The following DHX30 variants were observed in gnomAD, a reference collection of about 807,000 sequenced individuals.
The protein encoded by DHX30 is DExH-box helicase 30.
A neutral mutation model predicts 116.9 loss-of-function variants in DHX30; 4 were observed. The observed-to-expected ratio is 0.03, with a 90% CI of 0.02 to 0.08. DHX30 has a LOEUF of 0.08. Ranked by LOEUF, DHX30 falls within the 10% of genes least tolerant of loss-of-function variation. DHX30 has a pLI of 1.00. For missense variants in DHX30, 871 were observed against 1,595.1 expected, an observed-to-expected ratio of 0.55 and a Z score of 7.73; for synonymous variants, 697 against 651.7, an observed-to-expected ratio of 1.07 and a Z score of -1.06.
In DHX30 at chr3:47,841,651, G is replaced by A; in HGVS notation, c.703G>A (p.Ala235Thr). 1 of 1,614,250 alleles carries A rather than the reference G, an allele frequency of 6.2e-7. No homozygotes were observed. Reference sequence around the variant, plus strand: ...CTTTGAGATGACAGATGACGACAGTGCCATTAGGGCTCTGACCCAGTTTCC... The same window carrying A: ...CTTTGAGATGACAGATGACGACAGTACCATTAGGGCTCTGACCCAGTTTCC... ...SSFEMTDDDS[A>T]IRALTQFPLP... Residue 235 changes from alanine to threonine, a missense_variant, in exon 8 of 22, where the codon GCC becomes ACC. Ala to Thr is a moderately conservative substitution (Grantham distance 58, BLOSUM62 0). This residue lies in a region of DHX30 where 175 missense variants were observed against 292.9 expected (regional missense o/e 0.60). Transcript: ENST00000445061.
intron 2 of DHX30, among the ~76,000 whole-genome samples, chr3:47,809,746 G>T (rs944589099): frequency 6.6e-6 from 1 of 151,990 alleles, no homozygotes; most frequent in Non-Finnish European, 1.5e-5. Flanking sequence ...AGAATGAGAG[G>T]GAACAGGAGT....
chr3:47,825,506 G>T (rs1342554479), intron 4 of DHX30, among the ~76,000 whole-genome samples: 1 of 152,216 alleles, frequency 6.6e-6, no homozygotes, highest in Non-Finnish European at 1.5e-5. Flanking sequence ...GGGAAAACGA[G>T]TAAAAGTCCA....
At chr3:47,849,158 G>A in intron 18 of DHX30, 34 bp from the exon 19 acceptor site, 1 of 1,613,528 alleles carries the variant, frequency 6.2e-7, no homozygotes, top group Non-Finnish European at 8.5e-7. Flanking sequence ...TGTGGCTAGG[G>A]GCTGTAGGTC....
In DHX30 at chr3:47,849,513, C is replaced by G; in HGVS notation, c.3150C>G (p.Thr1050=). 1 of 1,603,158 alleles carries G rather than the reference C, an allele frequency of 6.2e-7. No homozygotes were observed. The highest frequency in any genetic ancestry group is 8.5e-7 in the Non-Finnish European group (1 of 1,171,982). Residue 1050 remains threonine, a synonymous_variant, in exon 20 of 22, where the codon ACC becomes ACG. Transcript: ENST00000445061. ...KFKPNSVTYR[T]KSGNILLHKS... ...AGCCCAACAGCGTCACATATAGGAC[C>G]AAATCAGGCAACATCCTGCTGCACA...
In DHX30 at chr3:47,850,101, G is replaced by C. The variant is rs560785305; in HGVS notation, c.3566G>C (p.Arg1189Pro). Residue 1189 changes from arginine to proline, a missense_variant, in exon 22 of 22, where the codon CGC becomes CCC. Arg to Pro is a moderately radical substitution (Grantham distance 103). Around this residue, in one of 13 missense-constraint regions of DHX30, gnomAD observed 52 missense variants for 50.1 expected, o/e 1.04. Transcript: ENST00000445061. ...LRGPCGSFDV[R>P]KTADD ...GGACCCTGTGGCAGCTTTGATGTGC[G>C]CAAGACAGCTGACGACTGAGCCCTG... 5.0e-6 allele frequency: 8 copies of C among 1,592,784 alleles called. No individual in the cohort carries two copies. The Admixed American group carries it at 1.0e-4, about 21-fold the overall frequency.
intron 3 of DHX30, among the ~76,000 whole-genome samples, chr3:47,817,186 AAG>A (rs986416435): frequency 3.3e-5 from 5 of 152,154 alleles, no homozygotes; most frequent in African/African-American, 4.8e-5. Context: ...CAGAGGGGCA[AAG>A]AGAGCAAAGA....
chr3:47,847,252 G>A lies in DHX30; in HGVS notation c.1930-21G>A, dbSNP rs1440382605. 2 of 1,614,220 alleles carry A rather than the reference G, an allele frequency of 1.2e-6. No individual in the cohort carries two copies. The highest frequency in any genetic ancestry group is 1.7e-5 in the Admixed American group (1 of 60,028). On this transcript the variant is annotated intron_variant, in intron 11 of 21. Coordinates refer to ENST00000445061, the MANE Select transcript of DHX30 (RefSeq NM_138615.3). The surrounding 1 kb of genome is among the most constrained non-coding windows in gnomAD (Gnocchi z 5.5). Reference sequence around the variant, plus strand: ...CCCTTACCCCGGGGCTGTGACTGTGGCCTCTCTTCCCCCACCCCAGTCTGA... The same window carrying A: ...CCCTTACCCCGGGGCTGTGACTGTGACCTCTCTTCCCCCACCCCAGTCTGA...
Position 47,847,109 on chromosome 3 carries a change from C to A in DHX30, c.1929+108C>A. 3 of 1,495,028 alleles carry A rather than the reference C, an allele frequency of 2.0e-6. No individual in the cohort carries two copies. In the African/African-American group the frequency reaches 4.1e-5, roughly 21 times the overall value. 92.6% of individuals were successfully genotyped at this position (1,495,028 alleles called of 1,614,324 possible). On this transcript the variant is annotated intron_variant, in intron 11 of 21. Coordinates refer to ENST00000445061, the MANE Select transcript of DHX30 (RefSeq NM_138615.3). The surrounding 1 kb of genome is among the most constrained non-coding windows in gnomAD (Gnocchi z 5.5). ...CTGGGGCAAGTTACCCTCCCCAGTC[C>A]TCGGTTTCCTTGATAGAAACTGGGG...
intron 9 of DHX30, among the ~76,000 whole-genome samples, chr3:47,844,137 A>G (rs2037497435): frequency 6.6e-6 from 1 of 152,220 alleles, no homozygotes. Flanking sequence ...GCAGACCAAG[A>G]TAGAAATGGG....
rs778085839 is a variant in DHX30, at chr3:47,848,930, T to C, written c.2780T>C (p.Leu927Pro). The C allele has an allele frequency of 6.2e-7, 1 of 1,606,934 alleles. No individual in the cohort carries two copies. The highest frequency in any genetic ancestry group is 8.5e-7 in the Non-Finnish European group (1 of 1,175,226). Reference sequence around the variant, plus strand: ...CTTCTCCCCTCCCAGGTGAAAGCACTGTTGAGCCATGACAGCGGCAGTGAC... The same window carrying C: ...CTTCTCCCCTCCCAGGTGAAAGCACCGTTGAGCCATGACAGCGGCAGTGAC... Reference protein sequence around the residue: ...NRAEVDKVKALLSHDSGSDHL... With the variant: ...NRAEVDKVKAPLSHDSGSDHL... The change falls in exon 18 of 22, where the codon CTG becomes CCG. Residue 927 changes from leucine (L) to proline (P), a missense_variant. Transcript: ENST00000445061. The surrounding 1 kb of genome is among the most constrained non-coding windows in gnomAD (Gnocchi z 9.4).
intron 1 of DHX30, among the ~76,000 whole-genome samples, chr3:47,804,091 C>T (rs969035288): frequency 6.6e-6 from 1 of 152,106 alleles, no homozygotes; most frequent in Non-Finnish European, 1.5e-5. Context: ...GGTGGTAACC[C>T]CACTGTCATT....
Position 47,846,633 on chromosome 3 carries a change from T to C in DHX30, c.1561T>C (p.Leu521=), listed in dbSNP as rs1381431769. 1.9e-6 allele frequency: 3 copies of C among 1,613,830 alleles called. No homozygotes were observed. Among genetic ancestry groups the C allele is most frequent in the Non-Finnish European group, 2.5e-6 (3 of 1,179,950 alleles). ...CCGGAATGTGGGCTTCCAGGTGCGG[T>C]TGGAAAGTAAGCCCCCATCCCGAGG... ...LRRNVGFQVR[L]ESKPPSRGGA... Residue 521 remains leucine, a synonymous_variant, in exon 11 of 22, where the codon TTG becomes CTG. Coordinates refer to ENST00000445061, the MANE Select transcript of DHX30 (RefSeq NM_138615.3).
Position 47,847,251 on chromosome 3 carries a change from G to A in DHX30, c.1930-22G>A. On this transcript the variant is annotated intron_variant, in intron 11 of 21. Coordinates refer to ENST00000445061, the MANE Select transcript of DHX30 (RefSeq NM_138615.3). This position sits in a 1 kb window ranked among gnomAD's most constrained non-coding sequence, Gnocchi z 5.5. The stretch of plus-strand genomic sequence containing the variant: ...CCCCTTACCCCGGGGCTGTGACTGT[G>A]GCCTCTCTTCCCCCACCCCAGTCTG... The A allele has an allele frequency of 6.2e-7, 1 of 1,614,156 alleles. No individual in the cohort carries two copies. The highest frequency in any genetic ancestry group is 1.1e-5 in the South Asian group (1 of 91,090).
intron 6 of DHX30, among the ~76,000 whole-genome samples, chr3:47,831,924 C>CTTTTTTTTTTTTTTTTTT (rs1448275730): frequency 1.7e-5 from 2 of 120,380 alleles, no homozygotes; most frequent in Non-Finnish European, 3.4e-5. Context: ...AGGCCTTTTC[C>CTTTTTTTTTTTTTTTTTT]TTTTTCTTTT....
chr3:47,845,480 C>T (rs2037564877), intron 9 of DHX30: 3 of 457,682 alleles, frequency 6.6e-6, no homozygotes, highest in East Asian at 4.1e-5. Context: ...AGCCACCGCG[C>T]CCGGCCTGAA....
intron 4 of DHX30, chr3:47,824,913 G>T (rs758569903): frequency 1.4e-4 from 65 of 479,966 alleles, no homozygotes; most frequent in Non-Finnish European, 3.3e-5. Context: ...GGCTGCTGAT[G>T]CCCTCGCCTA....
At chr3:47,839,280 C>CTTTTTTTT in intron 6 of DHX30, among the ~76,000 whole-genome samples, 1 of 129,806 alleles carries the variant, frequency 7.7e-6, no homozygotes, top group Non-Finnish European at 1.6e-5. Context: ...CTTATATTCT[C>CTTTTTTTT]TTTTTTTTTT....
At chr3:47,840,098 G>A (rs550101178) in intron 6 of DHX30, among the ~76,000 whole-genome samples, 11 of 150,842 alleles carry the variant, frequency 7.3e-5, no homozygotes, top group African/African-American at 2.2e-4. Context: ...CCAGGTTCAC[G>A]CCATTCTCCT....
At chr3:47,818,436 C>G (rs554275929) in intron 4 of DHX30, among the ~76,000 whole-genome samples, 1 of 152,240 alleles carries the variant, frequency 6.6e-6, no homozygotes, top group South Asian at 2.1e-4. Context: ...CTCGAGGCTC[C>G]TAGAAGTCCC....
Sources: gnomAD v4.1 joint callset for allele counts (sites outside exome capture counted in the v4.1 genomes callset) on GRCh38, gnomAD v4.1.1 for gene constraint, gnomAD v4.1.1 regional missense constraint, Gnocchi (gnomAD v3.1) non-coding constraint, MANE v1.5 for transcripts, NCBI Gene and HGNC (gene_info 2026-07-23, HGNC 2026-07-21) for gene names.